Variants in TNK2 observed in about 807,000 individuals in gnomAD.
The protein encoded by TNK2 is tyrosine kinase non receptor 2.
TNK2 carries 83 observed loss-of-function variants against 101.8 expected under a neutral mutation model. The observed-to-expected ratio is 0.82, with a 90% CI of 0.68 to 0.98. The LOEUF is 0.98. Among genes scored for constraint, TNK2 ranks in the 50% least tolerant of loss-of-function variants. The pLI is 0.00. For synonymous variants in TNK2, 804 were observed against 633.0 expected (o/e 1.27, Z -4.06); for missense variants, 1,665 against 1,483.2 (o/e 1.12, Z -2.01).
chr3:195,872,510 G>A (rs775721912), intron 9 of TNK2, 40 bp from the exon 10 acceptor site: 22 of 1,545,432 alleles, frequency 1.4e-5, no homozygotes, highest in East Asian at 2.3e-5. Context: ...CAGGCGTGGC[G>A]GGGCAGCCCC....
Position 195,895,242 on chromosome 3 carries a change from T to A in TNK2, c.-18-6636A>T, listed in dbSNP as rs201615423. 1.4e-4 allele frequency: 223 copies of A among 1,538,750 alleles called. No individual in the cohort carries two copies. Among genetic ancestry groups the A allele is most frequent in the Middle Eastern group, 1.7e-4 (1 of 5,844 alleles). ...TCTGGCTATCCCCTAGCCTTCCCCA[T>A]TACCTGCGGTCCCTCCTCGCCCCCA... On this transcript the variant is annotated intron_variant, in intron 1 of 15. Coordinates refer to ENST00000672887, the MANE Select transcript of TNK2 (RefSeq NM_001382273.1).
At position 195,885,500 on chromosome 3, in the gene TNK2, G is replaced by A; in HGVS notation, c.235-467C>T. 1 of 1,295,992 alleles carries A rather than the reference G, an allele frequency of 7.7e-7. No individual in the cohort carries two copies. Among genetic ancestry groups the A allele is most frequent in the Non-Finnish European group, 1.0e-6 (1 of 993,216 alleles). The allele number at this position is 1,295,992 out of a possible 1,614,324, so 80.3% of individuals were successfully genotyped here. A position where few individuals can be genotyped will look rare whatever the true frequency, so the allele number is the denominator to read the frequency against. ...CCCTTCTCTGGCCTGACCATTTGGT[G>A]CTGTCTGTCTCCACCCTCACCAGGG... On this transcript the variant is annotated intron_variant, in intron 3 of 15. Transcript: ENST00000672887. The surrounding 1 kb of genome is among the most constrained non-coding windows in gnomAD (Gnocchi z 4.7).
chr3:195,869,674 C>T lies in TNK2; in HGVS notation c.1544-133G>A, dbSNP rs543912986. On this transcript the variant is annotated intron_variant, in intron 11 of 15. Coordinates refer to ENST00000672887, the MANE Select transcript of TNK2 (RefSeq NM_001382273.1). Reference sequence around the variant, plus strand: ...AAGTGAATGGGGGCGAGTGAATGTACAAGCCCCCAGCAAACGGGAGGCCGC... The same window carrying T: ...AAGTGAATGGGGGCGAGTGAATGTATAAGCCCCCAGCAAACGGGAGGCCGC... 2.9e-5 allele frequency: 27 copies of T among 940,814 alleles called. No individual in the cohort carries two copies. The Admixed American group carries it at 4.5e-4, about 16-fold the overall frequency. The allele number at this position is 940,814 out of a possible 1,614,324, so 58.3% of individuals were successfully genotyped here.
chr3:195,876,904 G>A (rs1454681030), intron 9 of TNK2, among the ~76,000 whole-genome samples: 1 of 152,212 alleles, frequency 6.6e-6, no homozygotes, highest in East Asian at 1.9e-4. Context: ...TGGGGACACT[G>A]GCAGGCACAC....
Position 195,872,441 on chromosome 3 carries a change from T to C in TNK2, c.1286A>G (p.Asn429Ser), listed in dbSNP as rs1256973384. 1 of 1,607,092 alleles carries C rather than the reference T, an allele frequency of 6.2e-7. No homozygotes were observed. The highest frequency in any genetic ancestry group is 8.5e-7 in the Non-Finnish European group (1 of 1,176,088). Residue 429 changes from asparagine (N) to serine (S), a missense_variant, in exon 10 of 16, where the codon AAC (asparagine) becomes AGC (serine). Asn to Ser is a conservative substitution (Grantham distance 46, BLOSUM62 1). Around this residue, in one of 3 missense-constraint regions of TNK2, gnomAD observed 1,136 missense variants for 894.9 expected, o/e 1.27. Coordinates refer to ENST00000672887, the MANE Select transcript of TNK2 (RefSeq NM_001382273.1). ...GGGCCCCACACACAGCGTCCGTGTG[T>C]TCTGGCCACGCCACCAGTAGTTCTC... ...RAENYWWRGQ[N>S]TRTLCVGPFP...
At chr3:195,866,352 C>A (rs1352926700) in intron 15 of TNK2, among the ~76,000 whole-genome samples, 1 of 152,124 alleles carries the variant, frequency 6.6e-6, no homozygotes, top group Non-Finnish European at 1.5e-5. Context: ...AGGTGCCCAC[C>A]ACCATACCCG....
intron 9 of TNK2, among the ~76,000 whole-genome samples, chr3:195,876,103 C>G (rs1749083569): frequency 6.6e-6 from 1 of 152,212 alleles, no homozygotes; most frequent in South Asian, 2.1e-4. Context: ...CAAGGACCCG[C>G]AATGGATTCC....
At chr3:195,872,729 C>T (rs956452430) in intron 9 of TNK2, 22 of 478,804 alleles carry the variant, frequency 4.6e-5, no homozygotes, top group Non-Finnish European at 6.3e-5. Context: ...TAAGGAGGCA[C>T]GCTGGAAGCT....
Position 195,883,675 on chromosome 3 carries a change from C to T in TNK2, c.457-366G>A, listed in dbSNP as rs147620284. 1,186 of 201,242 alleles carry T rather than the reference C, an allele frequency of 5.9e-3. 14 individuals carry two copies. Among genetic ancestry groups the T allele is most frequent in the African/African-American group, 0.026 (1,124 of 44,044 alleles). 12.5% of individuals were successfully genotyped at this position (201,242 alleles called of 1,614,324 possible). On this transcript the variant is annotated intron_variant, in intron 4 of 15. Transcript: ENST00000672887. ...TGTCGCCCAGGCTGGAATGCAGTGACGTGATCTCAGCTCACTGCAACCTCT... is the reference window on the plus strand; with the variant it reads ...TGTCGCCCAGGCTGGAATGCAGTGATGTGATCTCAGCTCACTGCAACCTCT...
rs186467747 is a variant in TNK2, at chr3:195,881,617, A to G, written c.887+434T>C. Among the ~76,000 whole-genome samples, 41 of 71,688 alleles carry G rather than the reference A, an allele frequency of 5.7e-4. No individual in the cohort carries two copies. The East Asian group carries it at 0.016, about 28-fold the overall frequency. The allele number at this position is 71,688 out of a possible 152,430, so 47.0% of individuals were successfully genotyped here. A position where few individuals can be genotyped will look rare whatever the true frequency, so the allele number is the denominator to read the frequency against. On this transcript the variant is annotated intron_variant, in intron 6 of 15. Coordinates refer to ENST00000672887, the MANE Select transcript of TNK2 (RefSeq NM_001382273.1). Reference sequence around the variant, plus strand: ...CAGCGATGCCCCTTGAAGAGGACACAGCATCTATCCTTGTAACACCCCCCC... The same window carrying G: ...CAGCGATGCCCCTTGAAGAGGACACGGCATCTATCCTTGTAACACCCCCCC...
Position 195,885,684 on chromosome 3 carries a change from CGGAA to C in TNK2, c.235-655_235-652del. On this transcript the variant is annotated intron_variant, in intron 3 of 15. Transcript: ENST00000672887. This position sits in a 1 kb window ranked among gnomAD's most constrained non-coding sequence, Gnocchi z 4.7. The stretch of plus-strand genomic sequence containing the variant: ...GGGCGCCTAGAGCTGAGGGCTGAGA[CGGAA>C]GGAAAAGTGGAGGAGACTCGGAGGC... 2.1e-6 allele frequency: 2 copies of C among 931,864 alleles called. No homozygotes were observed. Among genetic ancestry groups the C allele is most frequent in the Non-Finnish European group, 3.0e-6 (2 of 674,294 alleles). 57.7% of individuals were successfully genotyped at this position (931,864 alleles called of 1,614,324 possible).
Position 195,885,469 on chromosome 3 carries a change from C to T in TNK2, c.235-436G>A. On this transcript the variant is annotated intron_variant, in intron 3 of 15. Coordinates refer to ENST00000672887, the MANE Select transcript of TNK2 (RefSeq NM_001382273.1). This position sits in a 1 kb window ranked among gnomAD's most constrained non-coding sequence, Gnocchi z 4.7. ...AGACACCTCCTTGTCCATTTTTAGC[C>T]CTGGCCCCTTCTCTGGCCTGACCAT... The T allele has an allele frequency of 7.7e-7, 1 of 1,305,924 alleles. No individual in the cohort carries two copies. Among genetic ancestry groups the T allele is most frequent in the Non-Finnish European group, 1.0e-6 (1 of 999,996 alleles). 80.9% of individuals were successfully genotyped at this position (1,305,924 alleles called of 1,614,324 possible).
intron 4 of TNK2, chr3:195,883,580 T>G (rs1754239397): frequency 7.0e-6 from 3 of 426,686 alleles, no homozygotes; most frequent in African/African-American, 2.0e-5. Context: ...AAGTAAGAGA[T>G]AACCAGTATG....
At chr3:195,869,407 CCAG>C in intron 12 of TNK2, 87 bp downstream of exon 12, 1 of 1,417,214 alleles carries the variant, frequency 7.1e-7, no homozygotes, top group Non-Finnish European at 9.7e-7. Context: ...CCCCTCCGGC[CCAG>C]CCGCCCAGGC....
At chr3:195,902,487 A>G (rs1431899141) in intron 1 of TNK2, among the ~76,000 whole-genome samples, 2 of 151,726 alleles carry the variant, frequency 1.3e-5, no homozygotes, top group South Asian at 2.1e-4. Flanking sequence ...GCGTGGTGGC[A>G]TGTGCCTGTA....
intron 13 of TNK2, 35 bp from the exon 14 acceptor site, chr3:195,867,299 C>T (rs778483554): frequency 1.2e-6 from 2 of 1,611,518 alleles, no homozygotes; most frequent in South Asian, 2.2e-5. Context: ...ACCACTAGGG[C>T]CCACTGCTCC....
chr3:195,871,854 C>T (rs1043265555), intron 10 of TNK2, among the ~76,000 whole-genome samples: 2 of 152,092 alleles, frequency 1.3e-5, no homozygotes, highest in African/African-American at 4.8e-5. Context: ...GTTAGGAGAT[C>T]GGCCCCCCAA....
intron 10 of TNK2, chr3:195,870,459 G>C: frequency 2.4e-6 from 3 of 1,275,878 alleles, no homozygotes; most frequent in South Asian, 2.6e-5. Flanking sequence ...CACCCTACAA[G>C]GGCAGAGGTG....
chr3:195,877,989 C>G (rs576862391), intron 9 of TNK2, among the ~76,000 whole-genome samples: 1 of 152,198 alleles, frequency 6.6e-6, no homozygotes, highest in African/African-American at 2.4e-5. Flanking sequence ...CCACTCCCTA[C>G]CCCTCCATAA....
Sources: allele counts gnomAD v4.1 joint callset (sites outside exome capture counted in the v4.1 genomes callset), GRCh38; gene constraint gnomAD v4.1.1; regional missense constraint gnomAD v4.1.1; non-coding constraint Gnocchi (gnomAD v3.1); transcripts MANE v1.5; gene names NCBI Gene and HGNC (gene_info 2026-07-23, HGNC 2026-07-21).